Variants in LRP3 observed in about 807,000 individuals in gnomAD.
The protein encoded by LRP3 is low-density lipoprotein receptor-related protein 3.
A neutral mutation model predicts 58.5 loss-of-function variants in LRP3; 49 were observed. The observed-to-expected ratio is 0.84, with a 90% CI of 0.67 to 1.06. The LOEUF is 1.06. Among genes scored for constraint, LRP3 ranks in the 50% least tolerant of loss-of-function variants. The probability of loss-of-function intolerance (pLI) is 0.00; values close to 1 mark genes in which losing one functional copy is unlikely to be tolerated. For synonymous variants in LRP3, 485 were observed against 492.2 expected, an observed-to-expected ratio of 0.99 and a Z score of 0.20; for missense variants, 1,019 against 1,134.2, an observed-to-expected ratio of 0.90 and a Z score of 1.46.
intron 2 of LRP3, among the ~76,000 whole-genome samples, chr19:33,200,242 T>A (rs1321686332): frequency 6.6e-6 from 1 of 152,142 alleles, no homozygotes; most frequent in Admixed American, 6.5e-5. Flanking sequence ...TTTTTTTAAT[T>A]TTTTTTGGAG....
chr19:33,194,629 G>A lies in LRP3; in HGVS notation c.-157G>A. 1 of 162,128 alleles carries A rather than the reference G, an allele frequency of 6.2e-6. No individual in the cohort carries two copies. Among genetic ancestry groups the A allele is most frequent in the Non-Finnish European group, 1.3e-5 (1 of 78,308 alleles). 10.0% of individuals were successfully genotyped at this position (162,128 alleles called of 1,614,324 possible). A position where few individuals can be genotyped will look rare whatever the true frequency, so the allele number is the denominator to read the frequency against. On this transcript the variant is annotated 5_prime_UTR_variant, in exon 1 of 7. Coordinates refer to ENST00000253193, the MANE Select transcript of LRP3 (RefSeq NM_002333.4). ...GCACAAAGACGCCTCGGGAGCCGCC[G>A]CCTGCACCCGGGCCGCAGCAGCCAC...
Position 33,207,819 on chromosome 19 carries a change from C to G in LRP3, c.*244C>G. ...CCATTGTACACAAGCACCCTGGGGT[C>G]TCACTTCTCTCCCCCCACTCCATTC... is the stretch of plus-strand genomic sequence containing the variant. On this transcript the variant is annotated 3_prime_UTR_variant, in exon 7 of 7. Coordinates refer to ENST00000253193, the MANE Select transcript of LRP3 (RefSeq NM_002333.4). The G allele has an allele frequency of 1.8e-6, 1 of 543,242 alleles. No homozygotes were observed. Among genetic ancestry groups the G allele is most frequent in the Non-Finnish European group, 3.2e-6 (1 of 308,916 alleles). 33.7% of individuals were successfully genotyped at this position (543,242 alleles called of 1,614,324 possible). A position where few individuals can be genotyped will look rare whatever the true frequency, so the allele number is the denominator to read the frequency against.
Position 33,207,665 on chromosome 19 carries a change from G to A in LRP3, c.*90G>A. The A allele has an allele frequency of 9.3e-7, 1 of 1,071,224 alleles. No homozygotes were observed. Among genetic ancestry groups the A allele is most frequent in the African/African-American group, 1.6e-5 (1 of 64,360 alleles). 66.4% of individuals were successfully genotyped at this position (1,071,224 alleles called of 1,614,324 possible). The stretch of plus-strand genomic sequence containing the variant: ...ACCCTGCCTCTGCGTCCTTTCTTAT[G>A]GAGAGGCCCTCCGGGGACCCCAGCG... On this transcript the variant is annotated 3_prime_UTR_variant, in exon 7 of 7. Coordinates refer to ENST00000253193, the MANE Select transcript of LRP3 (RefSeq NM_002333.4).
chr19:33,200,745 T>C (rs1351746005), intron 2 of LRP3, among the ~76,000 whole-genome samples: 1 of 152,210 alleles, frequency 6.6e-6, no homozygotes, highest in South Asian at 2.1e-4. Flanking sequence ...CAGTGCCCTA[T>C]TTCTGGGGCA....
Position 33,207,096 on chromosome 19 carries a change from T to A in LRP3, c.1834T>A (p.Phe612Ile). 6.6e-7 allele frequency: 1 copy of A among 1,525,436 alleles called. No individual in the cohort carries two copies. Among genetic ancestry groups the A allele is most frequent in the African/African-American group, 1.4e-5 (1 of 71,736 alleles). 94.5% of individuals were successfully genotyped at this position (1,525,436 alleles called of 1,614,324 possible). ...RRLGRLWNRL[F>I]HRPRAPRGQI... is the part of the protein sequence containing the mutation. The stretch of plus-strand genomic sequence containing the variant: ...CCTCGGCCGCCTCTGGAACCGGCTC[T>A]TTCACCGGCCGCGGGCGCCCCGAGG... The change falls in exon 7 of 7, where the codon TTT (phenylalanine) becomes ATT (isoleucine). Residue 612 changes from phenylalanine to isoleucine, a missense_variant. Physicochemically the swap from Phe to Ile is conservative, Grantham distance 21. Transcript: ENST00000253193.
Position 33,205,408 on chromosome 19 carries a change from C to A in LRP3, c.638C>A (p.Pro213His), listed in dbSNP as rs1199051958. The A allele has an allele frequency of 1.3e-6, 2 of 1,594,498 alleles. No individual in the cohort carries two copies. Among genetic ancestry groups the A allele is most frequent in the East Asian group, 2.2e-5 (1 of 44,462 alleles). The change falls in exon 5 of 7, where the codon CCC becomes CAC. Residue 213 changes from proline (P) to histidine (H), a missense_variant. Pro to His is a moderately conservative substitution (Grantham distance 77). Coordinates refer to ENST00000253193, the MANE Select transcript of LRP3 (RefSeq NM_002333.4). ...TCCGAGCCTCCAGGCAGCCTGTGCC[C>A]CGGGGGGACCTTCCCATGCAGCGGG... ...PASEPPGSLC[P>H]GGTFPCSGAR...
intron 3 of LRP3, among the ~76,000 whole-genome samples, 165 bp downstream of exon 3, chr19:33,203,151 C>T (rs531821143): frequency 1.7e-4 from 25 of 147,530 alleles, no homozygotes; most frequent in African/African-American, 6.6e-4. Flanking sequence ...ATGAGTGAGG[C>T]GTGTGTGAGC....
chr19:33,206,042 G>C lies in LRP3; in HGVS notation c.1272G>C (p.Glu424Asp). ...PACPPDQYPC[E>D]GGSGLCYTPA... The stretch of plus-strand genomic sequence containing the variant: ...GCCCGCCCGACCAGTACCCCTGCGA[G>C]GGTGGCAGTGGTCTGTGCTACACGC... The change falls in exon 5 of 7, where the codon GAG (glutamate) becomes GAC (aspartate). Residue 424 changes from glutamate (E) to aspartate (D), a missense_variant. Glu to Asp is a conservative substitution (Grantham distance 45). Coordinates refer to ENST00000253193, the MANE Select transcript of LRP3 (RefSeq NM_002333.4). The C allele has an allele frequency of 1.3e-6, 2 of 1,597,898 alleles. No homozygotes were observed. Among genetic ancestry groups the C allele is most frequent in the South Asian group, 1.1e-5 (1 of 89,450 alleles).
intron 1 of LRP3, among the ~76,000 whole-genome samples, chr19:33,195,062 C>T (rs566200116): frequency 2.0e-5 from 3 of 152,000 alleles, no homozygotes; most frequent in African/African-American, 7.3e-5. Flanking sequence ...GCCCCGGCTC[C>T]CGCCCCGCTC....
chr19:33,195,982 G>A (rs559822979), intron 1 of LRP3, among the ~76,000 whole-genome samples: 2 of 152,066 alleles, frequency 1.3e-5, no homozygotes, highest in African/African-American at 4.8e-5. Context: ...CTGAACCCCG[G>A]GAAGTTGGGT....
chr19:33,196,699 A>G lies in LRP3; in HGVS notation c.74-31A>G, dbSNP rs930131678. ...TGCTGGTCCCCAGCAGGTATGTGGG[A>G]CCCCTGACCCTTTCTTTGTATCTCC... On this transcript the variant is annotated intron_variant, in intron 1 of 6. Transcript: ENST00000253193. 60 of 1,611,668 alleles carry G rather than the reference A, an allele frequency of 3.7e-5. No homozygotes were observed. The Middle Eastern group carries it at 4.9e-4, about 13-fold the overall frequency.
At chr19:33,201,056 G>C (rs1291412001) in intron 2 of LRP3, among the ~76,000 whole-genome samples, 1 of 152,208 alleles carries the variant, frequency 6.6e-6, no homozygotes, top group Non-Finnish European at 1.5e-5. Flanking sequence ...CTGCCCAGCA[G>C]GTCCTCAGAT....
In LRP3 at chr19:33,208,703, G is replaced by A. The variant is rs11542481; in HGVS notation, c.*1128G>A. ...GTTTATTTATAGGCCTTTTCAGGAA[G>A]AGCTAGCAGGGCAGTGCTAAGACAG... On this transcript the variant is annotated 3_prime_UTR_variant, in exon 7 of 7. Coordinates refer to ENST00000253193, the MANE Select transcript of LRP3 (RefSeq NM_002333.4). The surrounding 1 kb of genome is among the most constrained non-coding windows in gnomAD (Gnocchi z 4.7). 42,337 of 710,012 alleles carry A rather than the reference G, an allele frequency of 0.06. 2,688 individuals are homozygous for A. Among genetic ancestry groups the A allele is most frequent in the African/African-American group, 0.26 (14,656 of 55,910 alleles). The allele number at this position is 710,012 out of a possible 1,614,324, so 44.0% of individuals were successfully genotyped here.
rs1974263596 is a variant in LRP3 at position 33,194,538 on chromosome 19, C to T, written c.-248C>T. On this transcript the variant is annotated 5_prime_UTR_variant, in exon 1 of 7. Coordinates refer to ENST00000253193, the MANE Select transcript of LRP3 (RefSeq NM_002333.4). The stretch of plus-strand genomic sequence containing the variant: ...TCTTCCCTGGCGGCCGCCGCTGAGC[C>T]CCCGCAGGGCCCGTGACGCCGCGGC... The T allele has an allele frequency of 6.8e-6, 1 of 146,084 alleles. No individual in the cohort carries two copies. Among genetic ancestry groups the T allele is most frequent in the African/African-American group, 2.5e-5 (1 of 40,578 alleles). The allele number at this position is 146,084 out of a possible 1,614,324, so 9.0% of individuals were successfully genotyped here.
At chr19:33,199,474 GAAAA>G (rs34874673) in intron 2 of LRP3, among the ~76,000 whole-genome samples, 3 of 129,874 alleles carry the variant, frequency 2.3e-5, no homozygotes, top group Admixed American at 8.0e-5. Flanking sequence ...TCTTGTCTCA[GAAAA>G]AAAAAAAAAA....
At chr19:33,197,828 G>C (rs903480598) in intron 2 of LRP3, among the ~76,000 whole-genome samples, 2 of 152,116 alleles carry the variant, frequency 1.3e-5, no homozygotes, top group African/African-American at 4.8e-5. Flanking sequence ...GGAGGCCCAG[G>C]GTGCACAGAA....
Position 33,197,954 on chromosome 19 carries a change from C to A in LRP3, c.121+1177C>A, listed in dbSNP as rs1028509455. Among the ~76,000 whole-genome samples the A allele has an allele frequency of 5.3e-5, 8 of 152,280 alleles. No homozygotes were observed. In the East Asian group the frequency reaches 1.5e-3, roughly 29 times the overall value. On this transcript the variant is annotated intron_variant, in intron 2 of 6. Transcript: ENST00000253193. ...TGCTTCGGGCTGGCTCAAGGCCGGGCCTTGCTCAGCGCTGACCTAGCCCCA... is the reference window on the plus strand; with the variant it reads ...TGCTTCGGGCTGGCTCAAGGCCGGGACTTGCTCAGCGCTGACCTAGCCCCA...
chr19:33,206,567 C>A lies in LRP3; in HGVS notation c.1593-34C>A, dbSNP rs779608998. 1.5e-5 allele frequency: 24 copies of A among 1,598,948 alleles called. No homozygotes were observed. In the Middle Eastern group the frequency reaches 6.7e-4, roughly 44 times the overall value. On this transcript the variant is annotated intron_variant, in intron 5 of 6. Coordinates refer to ENST00000253193, the MANE Select transcript of LRP3 (RefSeq NM_002333.4). ...TGTTCCTGCTGCAGGTCCCGGGCAGCCCAGTCATGTCGCCCTCCGCCCACT... is the reference window on the plus strand; with the variant it reads ...TGTTCCTGCTGCAGGTCCCGGGCAGACCAGTCATGTCGCCCTCCGCCCACT...
chr19:33,196,619 G>T, intron 1 of LRP3, 111 bp from the exon 2 acceptor site: 5 of 974,342 alleles, frequency 5.1e-6, no homozygotes, highest in Non-Finnish European at 8.2e-6. Flanking sequence ...CCTGTAAGAG[G>T]AAGGGGACCA....
Sources: allele counts gnomAD v4.1 joint callset (sites outside exome capture counted in the v4.1 genomes callset), GRCh38; gene constraint gnomAD v4.1.1; non-coding constraint Gnocchi (gnomAD v3.1); transcripts MANE v1.5; gene names NCBI Gene and HGNC (gene_info 2026-07-23, HGNC 2026-07-21).